The following NFX1 variants were observed in gnomAD, a reference collection of about 807,000 sequenced individuals.
NFX1 encodes transcriptional repressor NF-X1.
Under a neutral mutation model 137.2 loss-of-function variants are expected in NFX1, and 69 were observed. The observed-to-expected ratio is 0.50, with a 90% CI of 0.41 to 0.61. The LOEUF (loss-of-function observed/expected upper bound fraction) is 0.61, where lower values mean the gene tolerates loss of function less well. Ranked by LOEUF, NFX1 falls within the 20% of genes least tolerant of loss-of-function variation. NFX1 has a pLI of 0.00. For missense variants in NFX1, 1,167 were observed against 1,391.0 expected, an observed-to-expected ratio of 0.84 and a Z score of 2.56; for synonymous variants, 495 against 474.1, an observed-to-expected ratio of 1.04 and a Z score of -0.57.
At chr9:33,358,513 A>G (rs1225794885) in intron 19 of NFX1, among the ~76,000 whole-genome samples, 1 of 152,052 alleles carries the variant, frequency 6.6e-6, no homozygotes, top group Non-Finnish European at 1.5e-5. Flanking sequence ...ATCCTCAAAA[A>G]AAAATGCAAA....
chr9:33,318,924 G>T lies in NFX1; in HGVS notation c.1703G>T (p.Gly568Val), dbSNP rs184948964. 4.3e-5 allele frequency: 70 copies of T among 1,614,232 alleles called. No individual in the cohort carries two copies. In the East Asian group the frequency reaches 8.5e-4, roughly 20 times the overall value. Reference protein sequence around the residue: ...LKICGKDLKCGNHTCSQVCHP... With the variant: ...LKICGKDLKCVNHTCSQVCHP... ...TTTCTTAACAGGGACTTGAAATGCG[G>T]TAACCATACATGTTCGCAAGTGTGC... is the stretch of plus-strand genomic sequence containing the variant. Residue 568 changes from glycine (G) to valine (V), a missense_variant, in exon 9 of 24, where the codon GGT (glycine) becomes GTT (valine). Around this residue, in one of 3 missense-constraint regions of NFX1, gnomAD observed 488 missense variants for 691.5 expected, o/e 0.71. Transcript: ENST00000379540.
chr9:33,363,086 G>T (rs1824054174), intron 19 of NFX1, among the ~76,000 whole-genome samples: 1 of 151,828 alleles, frequency 6.6e-6, no homozygotes, highest in African/African-American at 2.4e-5. Context: ...TAGAAAAGAG[G>T]CTTCTGTGTA....
intron 1 of NFX1, among the ~76,000 whole-genome samples, chr9:33,290,800 T>C (rs556089898): frequency 1.3e-5 from 2 of 152,342 alleles, no homozygotes; most frequent in Non-Finnish European, 2.9e-5. Context: ...GCCCAGTAGC[T>C]GGGTTTCGGA....
chr9:33,350,303 CAA>C (rs35938162), intron 15 of NFX1, among the ~76,000 whole-genome samples: 18 of 53,380 alleles, frequency 3.4e-4, no homozygotes, highest in Non-Finnish European at 4.5e-4. Flanking sequence ...GACTCCATCT[CAA>C]AAAAAAAAAA....
intron 12 of NFX1, among the ~76,000 whole-genome samples, chr9:33,340,859 A>G (rs904977107): frequency 2.0e-5 from 3 of 152,196 alleles, no homozygotes; most frequent in Non-Finnish European, 4.4e-5. Context: ...CCAGTTCCCA[A>G]CAAATTCCTC....
chr9:33,370,060 C>T lies in NFX1; in HGVS notation c.*82C>T. On this transcript the variant is annotated 3_prime_UTR_variant, in exon 24 of 24. Transcript: ENST00000379540. ...CCAGCAGATAAATCATGCCCGTTCCCCTCTGCCTGGCAGAATCACAGTCTC... is the reference window on the plus strand; with the variant it reads ...CCAGCAGATAAATCATGCCCGTTCCTCTCTGCCTGGCAGAATCACAGTCTC... 9.5e-7 allele frequency: 1 copy of T among 1,057,790 alleles called. No homozygotes were observed. The allele number at this position is 1,057,790 out of a possible 1,614,324, so 65.5% of individuals were successfully genotyped here.
chr9:33,344,132 C>T lies in NFX1; in HGVS notation c.2288C>T (p.Thr763Ile), dbSNP rs963543157. The stretch of plus-strand genomic sequence containing the variant: ...ATTTACCCTCCAGTTCCCTGTGGTA[C>T]TAGGCCCCCTGAATGTACCCAAACC... ...SVIYPPVPCG[T>I]RPPECTQTCA... The change falls in exon 14 of 24, where the codon ACT (threonine) becomes ATT (isoleucine). Residue 763 changes from threonine to isoleucine, a missense_variant. Physicochemically the swap from Thr to Ile is moderately conservative, Grantham distance 89. Transcript: ENST00000379540. 1 of 1,614,106 alleles carries T rather than the reference C, an allele frequency of 6.2e-7. No individual in the cohort carries two copies. The highest frequency in any genetic ancestry group is 8.5e-7 in the Non-Finnish European group (1 of 1,179,986).
intron 15 of NFX1, among the ~76,000 whole-genome samples, chr9:33,350,745 A>C (rs1823606403): frequency 6.6e-6 from 1 of 152,232 alleles, no homozygotes; most frequent in Non-Finnish European, 1.5e-5. Context: ...AGTCCCAGCT[A>C]ATCAGAAGAC....
At chr9:33,315,759 G>C (rs1356085019) in intron 7 of NFX1, among the ~76,000 whole-genome samples, 1 of 151,930 alleles carries the variant, frequency 6.6e-6, no homozygotes. Flanking sequence ...AGACATGGTG[G>C]CATGTATCTG....
At chr9:33,311,738 A>G (rs1222089714) in intron 6 of NFX1, among the ~76,000 whole-genome samples, 2 of 152,150 alleles carry the variant, frequency 1.3e-5, no homozygotes, top group Non-Finnish European at 2.9e-5. Flanking sequence ...TTTTTAGTAG[A>G]GATGGGATTT....
chr9:33,331,041 C>T (rs528571954), intron 10 of NFX1, among the ~76,000 whole-genome samples: 1 of 152,150 alleles, frequency 6.6e-6, no homozygotes, highest in South Asian at 2.1e-4. Flanking sequence ...TGGTGGGCGC[C>T]TGTAGTCCCA....
At chr9:33,314,182 C>T (rs910946867) in intron 7 of NFX1, among the ~76,000 whole-genome samples, 2 of 151,912 alleles carry the variant, frequency 1.3e-5, no homozygotes, top group African/African-American at 4.8e-5. Context: ...TAGGGTTTCA[C>T]AATGTTGGCC....
rs761829693 is a variant in NFX1 at position 33,294,753 on chromosome 9, AAGCACAGAG to A, written c.360_368del (p.Lys120_Ser123delinsAsn). 1 of 1,614,144 alleles carries A rather than the reference AAGCACAGAG, an allele frequency of 6.2e-7. No homozygotes were observed. Among genetic ancestry groups the A allele is most frequent in the Non-Finnish European group, 8.5e-7 (1 of 1,180,034 alleles). The stretch of plus-strand genomic sequence containing the variant: ...GAGAAGCACCATATCAGAGTCAAGA[AAGCACAGAG>A]TCTTGCTGAGCAGACCTCAGATACA... On this transcript the variant is annotated inframe_deletion, in exon 2 of 24. Coordinates refer to ENST00000379540, the MANE Select transcript of NFX1 (RefSeq NM_002504.6).
Position 33,370,739 on chromosome 9 carries a change from C to T in NFX1, c.*761C>T, listed in dbSNP as rs1824302048. The T allele has an allele frequency of 6.6e-6, 1 of 152,274 alleles. No homozygotes were observed. The highest frequency in any genetic ancestry group is 1.5e-5 in the Non-Finnish European group (1 of 68,074). The allele number at this position is 152,274 out of a possible 1,614,324, so 9.4% of individuals were successfully genotyped here. A position where few individuals can be genotyped will look rare whatever the true frequency, so the allele number is the denominator to read the frequency against. ...TAGGAAATATAGAGAGCAAGTTCTT[C>T]TGCCAGGGTCACACTGTGGTCTCTG... On this transcript the variant is annotated 3_prime_UTR_variant, in exon 24 of 24. Coordinates refer to ENST00000379540, the MANE Select transcript of NFX1 (RefSeq NM_002504.6).
chr9:33,326,448 G>A (rs1822593072), intron 9 of NFX1, among the ~76,000 whole-genome samples: 2 of 146,774 alleles, frequency 1.4e-5, no homozygotes, highest in South Asian at 4.4e-4. Context: ...GCTGGGCACT[G>A]TAGCTCTCAC....
intron 3 of NFX1, among the ~76,000 whole-genome samples, chr9:33,302,163 G>A (rs1336231524): frequency 6.6e-6 from 1 of 151,786 alleles, no homozygotes; most frequent in Non-Finnish European, 1.5e-5. Flanking sequence ...ATGATATTTT[G>A]ATACAAGCGT....
chr9:33,362,101 A>T (rs831265), intron 19 of NFX1, among the ~76,000 whole-genome samples: 25,195 of 150,400 alleles, frequency 0.17, 2,240 homozygotes, highest in Middle Eastern at 0.2. Flanking sequence ...AGCCTGGGCA[A>T]CAAGAGCCAG....
At chr9:33,363,150 C>T (rs1231053011) in intron 19 of NFX1, among the ~76,000 whole-genome samples, 2 of 151,846 alleles carry the variant, frequency 1.3e-5, no homozygotes, top group Admixed American at 6.6e-5. Flanking sequence ...GCCTAATACA[C>T]TGATTTGGTC....
intron 2 of NFX1, among the ~76,000 whole-genome samples, chr9:33,298,987 A>G (rs1319523799): frequency 6.6e-6 from 1 of 152,186 alleles, no homozygotes; most frequent in African/African-American, 2.4e-5. Flanking sequence ...AAAGAATGGA[A>G]TTGGCATTTA....
Sources: allele counts gnomAD v4.1 joint callset (sites outside exome capture counted in the v4.1 genomes callset), GRCh38; gene constraint gnomAD v4.1.1; regional missense constraint gnomAD v4.1.1; transcripts MANE v1.5; gene names NCBI Gene and HGNC (gene_info 2026-07-23, HGNC 2026-07-21).